The following PIGK variants were observed in gnomAD, a reference collection of about 807,000 sequenced individuals.
PIGK encodes GPI-anchor transamidase.
In PIGK, 42 loss-of-function variants were observed where a neutral mutation model predicts 50.6. The observed-to-expected ratio is 0.83, with a 90% CI of 0.65 to 1.07. PIGK has a LOEUF of 1.07. PIGK is among the 50% of genes least tolerant of loss of function. The pLI is 0.00. For synonymous variants in PIGK, 151 were observed against 156.0 expected (o/e 0.97, Z 0.24); for missense variants, 448 against 488.7 (o/e 0.92, Z 0.78).
chr1:77,099,232 T>C (rs1216696057), intron 10 of PIGK, among the ~76,000 whole-genome samples: 3 of 152,138 alleles, frequency 2.0e-5, no homozygotes, highest in Non-Finnish European at 2.9e-5. Context: ...AAGATGCAAA[T>C]TGAATCTGAA....
Position 77,210,472 on chromosome 1 carries a change from G to A in PIGK, c.111C>T (p.Phe37=), listed in dbSNP as rs1656391586. Reference sequence around the variant, plus strand: ...AGTTGTTTGTATGGCCACTTCTAAAGAATTGTTCTGCTTGATCCTAAATAA... The same window carrying A: ...AGTTGTTTGTATGGCCACTTCTAAAAAATTGTTCTGCTTGATCCTAAATAA... ...ASHIEDQAEQ[F]FRSGHTNNWA... The change falls in exon 2 of 11, where the codon TTC becomes TTT. Residue 37 remains phenylalanine (F), a synonymous_variant. Coordinates refer to ENST00000370812, the MANE Select transcript of PIGK (RefSeq NM_005482.3). The A allele has an allele frequency of 6.3e-7, 1 of 1,592,062 alleles. No individual in the cohort carries two copies.
intron 9 of PIGK, among the ~76,000 whole-genome samples, chr1:77,131,073 T>C (rs1654362102): frequency 6.6e-6 from 1 of 152,066 alleles, no homozygotes; most frequent in African/African-American, 2.4e-5. Context: ...CCTCTCCATT[T>C]ATAGGTGTTC....
At chr1:77,176,059 C>T (rs1655480322) in intron 3 of PIGK, among the ~76,000 whole-genome samples, 2 of 151,966 alleles carry the variant, frequency 1.3e-5, no homozygotes, top group African/African-American at 4.8e-5. Flanking sequence ...AAGGGAAAGA[C>T]AAAAGACAGA....
intron 1 of PIGK, among the ~76,000 whole-genome samples, chr1:77,218,098 C>A (rs1036335568): frequency 3.3e-5 from 5 of 151,840 alleles, no homozygotes; most frequent in African/African-American, 1.2e-4. Flanking sequence ...GGTGTGTATT[C>A]AAAAAGTTTG....
chr1:77,191,870 AC>A (rs1557819756), intron 3 of PIGK, among the ~76,000 whole-genome samples: 1 of 152,232 alleles, frequency 6.6e-6, no homozygotes, highest in Non-Finnish European at 1.5e-5. Flanking sequence ...TACAAAAAAT[AC>A]AAAAATTAGC....
At chr1:77,093,818 A>G (rs1653350941) in intron 10 of PIGK, among the ~76,000 whole-genome samples, 1 of 152,084 alleles carries the variant, frequency 6.6e-6, no homozygotes, top group Non-Finnish European at 1.5e-5. Context: ...GATAATGGCA[A>G]AAGTCCTTGC....
Position 77,154,576 on chromosome 1 carries a change from G to A in PIGK, c.859C>T (p.Arg287Cys), listed in dbSNP as rs773098452. 22 of 1,612,626 alleles carry A rather than the reference G, an allele frequency of 1.4e-5. No individual in the cohort carries two copies. The highest frequency in any genetic ancestry group is 9.9e-5 in the South Asian group (9 of 91,024). Residue 287 changes from arginine to cysteine, a missense_variant, in exon 9 of 11, where the codon CGC becomes TGC. By Grantham distance (180) the Arg-to-Cys change is radical. Transcript: ENST00000370812. Reference sequence around the variant, plus strand: ...GGATCCCTCTGAAAAAGATCAGTGCGATGTCCAGGAGTAGACACACACAGA... The same window carrying A: ...GGATCCCTCTGAAAAAGATCAGTGCAATGTCCAGGAGTAGACACACACAGA... ...KSLCVSTPGHRTDLFQRDPKN... is the reference protein window; with the variant it reads ...KSLCVSTPGHCTDLFQRDPKN...
intron 9 of PIGK, 49 bp downstream of exon 9, chr1:77,154,400 C>T (rs1654961774): frequency 2.1e-6 from 3 of 1,398,134 alleles, no homozygotes; most frequent in East Asian, 2.3e-5. Context: ...AAAAAATGTA[C>T]AAACTGTGAG....
intron 9 of PIGK, among the ~76,000 whole-genome samples, chr1:77,124,909 G>T (rs186674029): frequency 2.2e-4 from 34 of 152,234 alleles, no homozygotes; most frequent in Middle Eastern, 3.4e-3. Flanking sequence ...TTCTACTGTG[G>T]TCAATGGTGG....
chr1:77,091,336 C>G lies in PIGK; in HGVS notation c.*1038G>C, dbSNP rs1557788547. The G allele has an allele frequency of 6.6e-6, 1 of 152,176 alleles. No individual in the cohort carries two copies. The highest frequency in any genetic ancestry group is 1.5e-5 in the Non-Finnish European group (1 of 68,010). The allele number at this position is 152,176 out of a possible 1,614,324, so 9.4% of individuals were successfully genotyped here. A position where few individuals can be genotyped will look rare whatever the true frequency, so the allele number is the denominator to read the frequency against. On this transcript the variant is annotated 3_prime_UTR_variant, in exon 11 of 11. Coordinates refer to ENST00000370812, the MANE Select transcript of PIGK (RefSeq NM_005482.3). ...TACCAGAGACTAGAAAAGGGGCTTA[C>G]TGCCTTATAGGATACATCAGCCAGA...
chr1:77,113,164 A>C (rs1051369187), intron 10 of PIGK, among the ~76,000 whole-genome samples: 1 of 151,882 alleles, frequency 6.6e-6, no homozygotes, highest in Non-Finnish European at 1.5e-5. Flanking sequence ...ATTTATAAAA[A>C]ATTTTTAAAA....
intron 10 of PIGK, among the ~76,000 whole-genome samples, chr1:77,095,823 A>T (rs544057897): frequency 6.6e-6 from 1 of 152,154 alleles, no homozygotes; most frequent in Non-Finnish European, 1.5e-5. Flanking sequence ...TTGGAACCAT[A>T]TAACAACCTA....
chr1:77,132,933 C>T (rs1654411289), intron 9 of PIGK, among the ~76,000 whole-genome samples: 1 of 152,058 alleles, frequency 6.6e-6, no homozygotes, highest in Non-Finnish European at 1.5e-5. Context: ...CCTTCTCTGT[C>T]AGGCTTTTAA....
intron 10 of PIGK, among the ~76,000 whole-genome samples, chr1:77,115,628 T>C (rs541663110): frequency 5.4e-4 from 82 of 152,118 alleles, no homozygotes; most frequent in African/African-American, 1.8e-3. Flanking sequence ...ATGAACTGGT[T>C]ACACTGGAAA....
At chr1:77,100,418 G>C (rs7524360) in intron 10 of PIGK, among the ~76,000 whole-genome samples, 1 of 152,028 alleles carries the variant, frequency 6.6e-6, no homozygotes, top group Non-Finnish European at 1.5e-5. Flanking sequence ...TATTAATAGT[G>C]TAAGTCAAAC....
chr1:77,203,970 A>G (rs1656227717), intron 3 of PIGK, among the ~76,000 whole-genome samples: 2 of 152,160 alleles, frequency 1.3e-5, no homozygotes, highest in Non-Finnish European at 2.9e-5. Flanking sequence ...TTTGTAGAGC[A>G]TGTGTGTTTG....
chr1:77,164,947 C>A (rs1043776805), intron 5 of PIGK, among the ~76,000 whole-genome samples: 6 of 152,114 alleles, frequency 3.9e-5, no homozygotes, highest in African/African-American at 1.4e-4. Context: ...CAGACCCTGG[C>A]AACCTTCTAC....
chr1:77,135,686 C>A (rs918294816), intron 9 of PIGK, among the ~76,000 whole-genome samples: 1 of 151,244 alleles, frequency 6.6e-6, no homozygotes, highest in African/African-American at 2.4e-5. Flanking sequence ...TGTTTCTGAT[C>A]TTATTTCCTC....
rs1216552863 is a variant in PIGK, at chr1:77,161,658, T to C, written c.638A>G (p.Glu213Gly). The C allele has an allele frequency of 6.3e-7, 1 of 1,591,956 alleles. No individual in the cohort carries two copies. Among genetic ancestry groups the C allele is most frequent in the Non-Finnish European group, 8.6e-7 (1 of 1,159,896 alleles). Reference protein sequence around the residue: ...IDTCQGASMYERFYSPNIMAL... With the variant: ...IDTCQGASMYGRFYSPNIMAL... ...CATTATGTTAGGAGAATAAAATCGTTCATACATGGATGCTCCTTGGCAAGT... is the reference window on the plus strand; with the variant it reads ...CATTATGTTAGGAGAATAAAATCGTCCATACATGGATGCTCCTTGGCAAGT... Residue 213 changes from glutamate (E) to glycine (G), a missense_variant, in exon 7 of 11, where the codon GAA becomes GGA. Glu to Gly is a moderately conservative substitution (Grantham distance 98). Coordinates refer to ENST00000370812, the MANE Select transcript of PIGK (RefSeq NM_005482.3).
Sources: gnomAD v4.1 joint callset for allele counts (sites outside exome capture counted in the v4.1 genomes callset) on GRCh38, gnomAD v4.1.1 for gene constraint, MANE v1.5 for transcripts, NCBI Gene and HGNC (gene_info 2026-07-23, HGNC 2026-07-21) for gene names.